Variants in NDUFAF6 observed in about 807,000 individuals in gnomAD.
NDUFAF6 encodes NADH:ubiquinone oxidoreductase complex assembly factor 6.
Under a neutral mutation model 40.8 loss-of-function variants are expected in NDUFAF6, and 45 were observed. The ratio of observed to expected loss-of-function variants is 1.10; its 90% CI spans 0.87 to 1.42. The LOEUF (loss-of-function observed/expected upper bound fraction) is 1.42. Among genes scored for constraint, NDUFAF6 ranks in the 40% most tolerant of loss-of-function variants. The probability of loss-of-function intolerance (pLI) is 0.00; values close to 1 mark genes in which losing one functional copy is unlikely to be tolerated. For missense variants in NDUFAF6, 435 were observed against 418.5 expected, an observed-to-expected ratio of 1.04 and a Z score of -0.34; for synonymous variants, 185 against 155.9, an observed-to-expected ratio of 1.19 and a Z score of -1.39.
chr8:94,998,379 TACACACACACACACAC>T (rs200968954), intron 2 of NDUFAF6, among the ~76,000 whole-genome samples: 113 of 138,414 alleles, frequency 8.2e-4, no homozygotes, highest in African/African-American at 2.8e-3. Flanking sequence ...TGCAATCAAA[TACACACACACACACAC>T]ACACACACAC....
intron 1 of NDUFAF6, among the ~76,000 whole-genome samples, chr8:94,918,575 A>G (rs534278750): frequency 1.3e-5 from 2 of 152,340 alleles, no homozygotes; most frequent in East Asian, 3.8e-4. Flanking sequence ...AGAGTTGTCA[A>G]ACGTTTCTTT....
chr8:94,971,913 G>A (rs995974024), intron 1 of NDUFAF6, among the ~76,000 whole-genome samples: 1 of 151,852 alleles, frequency 6.6e-6, no homozygotes, highest in African/African-American at 2.4e-5. Context: ...ACTCCAGCCT[G>A]GGCAACAAGA....
intron 1 of NDUFAF6, among the ~76,000 whole-genome samples, chr8:94,978,220 A>AT (rs1278100294): frequency 2.6e-5 from 4 of 152,164 alleles, no homozygotes; most frequent in African/African-American, 9.7e-5. Flanking sequence ...AGAGCTGGAG[A>AT]TTGAGTTAAT....
chr8:95,044,773 A>T (rs2131880501), intron 4 of NDUFAF6, among the ~76,000 whole-genome samples: 2 of 151,344 alleles, frequency 1.3e-5, no homozygotes, highest in African/African-American at 4.8e-5. Context: ...TTTTTTTTTA[A>T]ACCCTGCATG....
intron 1 of NDUFAF6, among the ~76,000 whole-genome samples, chr8:94,916,878 G>T (rs1156566650): frequency 6.7e-6 from 1 of 150,334 alleles, no homozygotes. Flanking sequence ...ACTTTGGGAG[G>T]CCTAGGCAGG....
At chr8:94,976,800 G>A (rs1300338621) in intron 1 of NDUFAF6, among the ~76,000 whole-genome samples, 2 of 152,144 alleles carry the variant, frequency 1.3e-5, no homozygotes, top group African/African-American at 4.8e-5. Context: ...AAGAAGTTCT[G>A]GAGATCTGTT....
chr8:94,964,207 C>G (rs1586826368), intron 1 of NDUFAF6, among the ~76,000 whole-genome samples: 1 of 152,008 alleles, frequency 6.6e-6, no homozygotes. Flanking sequence ...GTGGGAGGAC[C>G]CCTTGAGCCT....
chr8:94,936,895 A>G (rs892940988), intron 1 of NDUFAF6, among the ~76,000 whole-genome samples: 13 of 152,132 alleles, frequency 8.5e-5, no homozygotes, highest in African/African-American at 1.4e-4. Context: ...ACAAATACCA[A>G]TGAGAACCGT....
upstream of NDUFAF6, among the ~76,000 whole-genome samples, chr8:94,955,680 C>T (rs1226956388): frequency 6.6e-6 from 1 of 152,110 alleles, no homozygotes. Context: ...AGGAAAAATG[C>T]TTAAAAGCTT....
intron 1 of NDUFAF6, among the ~76,000 whole-genome samples, chr8:94,931,609 C>CACACACATATATAT (rs146282014): frequency 6.6e-6 from 1 of 151,562 alleles, no homozygotes; most frequent in Non-Finnish European, 1.5e-5. Context: ...CACACACACA[C>CACACACATATATAT]ATAAAATTTT....
chr8:94,913,840 G>C (rs1445290105), intron 1 of NDUFAF6, among the ~76,000 whole-genome samples: 1 of 152,164 alleles, frequency 6.6e-6, no homozygotes. Context: ...CATCCAGGCT[G>C]GAGTGCTGTG....
chr8:95,036,613 T>C lies in NDUFAF6; in HGVS notation c.420+1037T>C, dbSNP rs913961959. The C allele has an allele frequency of 1.0e-5, 8 of 784,198 alleles. 1 individual carries two copies. Among genetic ancestry groups the C allele is most frequent in the South Asian group, 7.3e-5 (4 of 54,818 alleles). The allele number at this position is 784,198 out of a possible 1,614,324, so 48.6% of individuals were successfully genotyped here. On this transcript the variant is annotated intron_variant, in intron 3 of 8. Coordinates refer to ENST00000396124, the MANE Select transcript of NDUFAF6 (RefSeq NM_152416.4). ...CCCTTTCTATTTATTACTTTACACC[T>C]AAATCGGAGTATAGTGGAGGTGGAG... is the stretch of plus-strand genomic sequence containing the variant.
chr8:95,089,462 G>A (rs10105220), intron 2 of NDUFAF6, among the ~76,000 whole-genome samples: 130,982 of 151,354 alleles, frequency 0.87, 56,935 homozygotes, highest in East Asian at 1. Context: ...TAAACTGTGT[G>A]TATATATATA....
At chr8:94,921,768 G>A (rs1255616875) in intron 1 of NDUFAF6, among the ~76,000 whole-genome samples, 1 of 152,216 alleles carries the variant, frequency 6.6e-6, no homozygotes, top group African/African-American at 2.4e-5. Context: ...AATATGGGAA[G>A]AGCAGGTGTC....
chr8:94,936,577 G>A (rs546786921), intron 1 of NDUFAF6, among the ~76,000 whole-genome samples: 24 of 152,272 alleles, frequency 1.6e-4, no homozygotes, highest in Admixed American at 1.2e-3. Context: ...AAGCCCCTAG[G>A]TTTGGGTTTT....
At chr8:94,940,046 C>T in intron 1 of NDUFAF6, 1 of 1,614,178 alleles carries the variant, frequency 6.2e-7, no homozygotes, top group Non-Finnish European at 8.5e-7. Flanking sequence ...GGTGATAAAC[C>T]AGCTCTCCTC....
At chr8:94,907,274 G>A (rs1358843250) in intron 1 of NDUFAF6, among the ~76,000 whole-genome samples, 1 of 152,204 alleles carries the variant, frequency 6.6e-6, no homozygotes, top group Non-Finnish European at 1.5e-5. Flanking sequence ...CAATGTGAAT[G>A]TAAATGCCAG....
At chr8:94,969,436 G>A (rs1824279033) in intron 1 of NDUFAF6, among the ~76,000 whole-genome samples, 1 of 152,188 alleles carries the variant, frequency 6.6e-6, no homozygotes, top group Non-Finnish European at 1.5e-5. Flanking sequence ...TTTAGAGAGA[G>A]CAGCTTGCAA....
upstream of NDUFAF6, among the ~76,000 whole-genome samples, chr8:95,098,128 T>C (rs1292429220): frequency 1.3e-5 from 2 of 152,242 alleles, no homozygotes; most frequent in Non-Finnish European, 1.5e-5. Flanking sequence ...GTGAATTTTC[T>C]TAACAGAGTA....
Sources: gnomAD v4.1 joint callset for allele counts (sites outside exome capture counted in the v4.1 genomes callset) on GRCh38, gnomAD v4.1.1 for gene constraint, MANE v1.5 for transcripts, NCBI Gene and HGNC (gene_info 2026-07-23, HGNC 2026-07-21) for gene names.